The following SNX29 variants were observed in gnomAD, a reference collection of about 807,000 sequenced individuals.
SNX29 encodes the protein sorting nexin 29.
A neutral mutation model predicts 102.1 loss-of-function variants in SNX29; 78 were observed. The observed-to-expected ratio is 0.76, with a 90% CI of 0.64 to 0.92. The LOEUF (loss-of-function observed/expected upper bound fraction) is 0.92. Among genes scored for constraint, SNX29 ranks in the 40% least tolerant of loss-of-function variants. The pLI is 0.00. For missense variants in SNX29, 1,280 were observed against 1,061.7 expected, an observed-to-expected ratio of 1.21 and a Z score of -2.86; for synonymous variants, 580 against 414.5, an observed-to-expected ratio of 1.40 and a Z score of -4.85.
chr16:12,342,127 G>C (rs1354982325), intron 15 of SNX29, among the ~76,000 whole-genome samples: 1 of 152,136 alleles, frequency 6.6e-6, no homozygotes, highest in South Asian at 2.1e-4. Flanking sequence ...ACTCTGTTGG[G>C]GGTGGCCTAG....
In SNX29 at chr16:12,568,801, C is replaced by A. The variant is rs553354950; in HGVS notation, c.*172C>A. The A allele has an allele frequency of 2.4e-4, 250 of 1,026,614 alleles. No homozygotes were observed. Among genetic ancestry groups the A allele is most frequent in the Non-Finnish European group, 3.3e-4 (239 of 726,206 alleles). The allele number at this position is 1,026,614 out of a possible 1,614,324, so 63.6% of individuals were successfully genotyped here. A position where few individuals can be genotyped will look rare whatever the true frequency, so the allele number is the denominator to read the frequency against. On this transcript the variant is annotated 3_prime_UTR_variant, in exon 21 of 21. Transcript: ENST00000566228. ...CCGATTAAACTAATCAGTCTTCGAG[C>A]CGCATGATACCGTGACCCGAGAGAC...
intron 20 of SNX29, among the ~76,000 whole-genome samples, chr16:12,525,223 GT>G (rs1427537155): frequency 6.6e-6 from 1 of 151,560 alleles, no homozygotes; most frequent in Non-Finnish European, 1.5e-5. Flanking sequence ...CCCAAGGAAA[GT>G]TCTCCCAGAC....
intron 19 of SNX29, among the ~76,000 whole-genome samples, chr16:12,503,214 C>G (rs956636269): frequency 6.6e-6 from 1 of 152,148 alleles, no homozygotes; most frequent in Non-Finnish European, 1.5e-5. Context: ...TCCAGTTCGT[C>G]CTCCTTTTCC....
intron 20 of SNX29, among the ~76,000 whole-genome samples, chr16:12,539,149 C>G (rs764173561): frequency 1.3e-5 from 2 of 152,130 alleles, no homozygotes; most frequent in African/African-American, 4.8e-5. Flanking sequence ...GTGCAATTGA[C>G]TTTTGCTCTT....
chr16:12,176,888 G>C (rs2076272452), intron 13 of SNX29, among the ~76,000 whole-genome samples: 1 of 152,168 alleles, frequency 6.6e-6, no homozygotes, highest in African/African-American at 2.4e-5. Flanking sequence ...GACTGAGGCA[G>C]TGTGGTGTGG....
intron 13 of SNX29, among the ~76,000 whole-genome samples, chr16:12,196,530 G>A (rs1435198598): frequency 6.6e-6 from 1 of 152,136 alleles, no homozygotes; most frequent in Non-Finnish European, 1.5e-5. Flanking sequence ...CTAGCAAGGA[G>A]GGATTTCAAG....
chr16:12,527,826 C>CTTTT (rs767257136), intron 20 of SNX29, among the ~76,000 whole-genome samples: 39 of 138,396 alleles, frequency 2.8e-4, no homozygotes, highest in African/African-American at 7.4e-4. Flanking sequence ...TCTTCTTCTT[C>CTTTT]TTTTTTTTTT....
At chr16:12,565,544 C>G (rs1567217009) in intron 20 of SNX29, among the ~76,000 whole-genome samples, 1 of 152,134 alleles carries the variant, frequency 6.6e-6, no homozygotes, top group Non-Finnish European at 1.5e-5. Flanking sequence ...GAGGATTGAA[C>G]CATCCCTGTG....
intron 3 of SNX29, among the ~76,000 whole-genome samples, chr16:12,008,548 C>A (rs1242653127): frequency 6.6e-6 from 1 of 152,152 alleles, no homozygotes; most frequent in Non-Finnish European, 1.5e-5. Context: ...GGATTACAGG[C>A]ATGAGCCACC....
At chr16:12,094,386 A>AAAAC (rs1296473796) in intron 11 of SNX29, among the ~76,000 whole-genome samples, 3 of 152,218 alleles carry the variant, frequency 2.0e-5, no homozygotes, top group Non-Finnish European at 4.4e-5. Flanking sequence ...AATCTTCCTG[A>AAAAC]AAACAACATC....
chr16:12,555,046 C>T (rs1239003841), intron 20 of SNX29, among the ~76,000 whole-genome samples: 1 of 151,600 alleles, frequency 6.6e-6, no homozygotes, highest in Non-Finnish European at 1.5e-5. Context: ...ACCGAGCAGC[C>T]TCAAGAGGCT....
intron 13 of SNX29, among the ~76,000 whole-genome samples, chr16:12,159,780 A>AG (rs2055704277): frequency 6.6e-6 from 1 of 152,198 alleles, no homozygotes; most frequent in Admixed American, 6.5e-5. Context: ...CCTCATGGGT[A>AG]GTGGGCTCAG....
intron 14 of SNX29, among the ~76,000 whole-genome samples, chr16:12,211,460 C>T (rs1043196255): frequency 6.6e-6 from 1 of 152,086 alleles, no homozygotes; most frequent in Non-Finnish European, 1.5e-5. Flanking sequence ...GGACTGTTGC[C>T]TCCATTTTAC....
At chr16:12,467,601 T>C (rs1198532571) in intron 18 of SNX29, among the ~76,000 whole-genome samples, 1 of 144,746 alleles carries the variant, frequency 6.9e-6, no homozygotes, top group Non-Finnish European at 1.5e-5. Flanking sequence ...CGTTCATTCG[T>C]TTGTTCGTTT....
chr16:12,393,460 C>T (rs1204509597), intron 16 of SNX29, among the ~76,000 whole-genome samples: 1 of 139,536 alleles, frequency 7.2e-6, no homozygotes, highest in Non-Finnish European at 1.5e-5. Flanking sequence ...CCTACATGTG[C>T]TGGGTTCTTG....
At chr16:12,508,093 G>C (rs1318243264) in intron 19 of SNX29, among the ~76,000 whole-genome samples, 1 of 152,262 alleles carries the variant, frequency 6.6e-6, no homozygotes, top group Non-Finnish European at 1.5e-5. Flanking sequence ...ACCTGTAAAA[G>C]GGAGGTACCG....
chr16:12,199,106 G>T (rs141295038), intron 13 of SNX29, among the ~76,000 whole-genome samples: 15 of 152,308 alleles, frequency 9.8e-5, no homozygotes, highest in Middle Eastern at 3.4e-3. Context: ...GGTTGTGTTA[G>T]TGCTTTGGAA....
chr16:12,361,354 T>C (rs1712240263), intron 16 of SNX29, among the ~76,000 whole-genome samples: 1 of 152,226 alleles, frequency 6.6e-6, no homozygotes, highest in Non-Finnish European at 1.5e-5. Context: ...TAGGTGACTG[T>C]TGTCACTGTA....
chr16:12,461,183 C>T (rs2086762302), intron 18 of SNX29, among the ~76,000 whole-genome samples: 2 of 152,178 alleles, frequency 1.3e-5, no homozygotes, highest in African/African-American at 2.4e-5. Flanking sequence ...CAGCCTTAGT[C>T]TTATTGTGTC....
Sources: gnomAD v4.1 joint callset for allele counts (sites outside exome capture counted in the v4.1 genomes callset) on GRCh38, gnomAD v4.1.1 for gene constraint, MANE v1.5 for transcripts, NCBI Gene and HGNC (gene_info 2026-07-23, HGNC 2026-07-21) for gene names.